IQCE: variants seen among roughly 807,000 people sequenced by gnomAD.
IQCE encodes the protein IQ domain-containing protein E.
IQCE carries 115 observed loss-of-function variants against 96.0 expected under a neutral mutation model. The ratio of observed to expected loss-of-function variants is 1.20; its 90% CI spans 1.03 to 1.40. The LOEUF is 1.40. Ranked by LOEUF, IQCE falls within the 40% of genes most tolerant of loss-of-function variation. IQCE has a pLI of 0.00. For synonymous variants in IQCE, 412 were observed against 371.2 expected, an observed-to-expected ratio of 1.11 and a Z score of -1.26; for missense variants, 1,041 against 909.1, an observed-to-expected ratio of 1.15 and a Z score of -1.87.
chr7:2,573,725 C>T (rs1367830005), intron 6 of IQCE, among the ~76,000 whole-genome samples: 1 of 152,156 alleles, frequency 6.6e-6, no homozygotes, highest in South Asian at 2.1e-4. Context: ...CTCTGCTTCT[C>T]CAGCACGATG....
intron 11 of IQCE, among the ~76,000 whole-genome samples, chr7:2,584,993 C>G (rs1319443006): frequency 6.6e-6 from 1 of 151,892 alleles, no homozygotes; most frequent in South Asian, 2.1e-4. Flanking sequence ...CGAGCGAATA[C>G]TAAACCACTG....
intron 21 of IQCE, among the ~76,000 whole-genome samples, chr7:2,608,524 T>C (rs1316221555): frequency 6.6e-6 from 1 of 152,236 alleles, no homozygotes; most frequent in Non-Finnish European, 1.5e-5. Context: ...TTTGTAAAGC[T>C]CAACACAAAG....
chr7:2,590,313 G>A (rs1266991804), intron 14 of IQCE, among the ~76,000 whole-genome samples: 3 of 152,178 alleles, frequency 2.0e-5, no homozygotes, highest in African/African-American at 7.2e-5. Context: ...CCTCACCAGG[G>A]AAGCAGCTCT....
At chr7:2,565,840 G>C (rs558575266) in intron 1 of IQCE, among the ~76,000 whole-genome samples, 4 of 152,058 alleles carry the variant, frequency 2.6e-5, no homozygotes, top group Non-Finnish European at 5.9e-5. Flanking sequence ...TTTTTTAAAC[G>C]CTCCATTTAT....
Position 2,578,304 on chromosome 7 carries a change from G to C in IQCE, c.528G>C (p.Glu176Asp), listed in dbSNP as rs199510266. The change falls in exon 7 of 22, where the codon GAG becomes GAC. Residue 176 changes from glutamate (E) to aspartate (D), a missense_variant. Transcript: ENST00000402050. ...LMRTKLRRLEEENSRKDRQIE... is the reference protein window; with the variant it reads ...LMRTKLRRLEDENSRKDRQIE... Reference sequence around the variant, plus strand: ...GAACGAAGCTCCGGCGCCTGGAGGAGGAAAACAGCAGGAAGGACCGGCAGA... The same window carrying C: ...GAACGAAGCTCCGGCGCCTGGAGGACGAAAACAGCAGGAAGGACCGGCAGA... 2.5e-4 allele frequency: 402 copies of C among 1,614,092 alleles called. 1 individual carries two copies. The Middle Eastern group carries it at 6.9e-3, about 28-fold the overall frequency.
chr7:2,574,308 C>T (rs1781965674), intron 6 of IQCE, among the ~76,000 whole-genome samples: 1 of 152,236 alleles, frequency 6.6e-6, no homozygotes, highest in African/African-American at 2.4e-5. Context: ...GTCCCCAGAG[C>T]ACGGAAGAGG....
At chr7:2,586,432 T>C in intron 12 of IQCE, 61 bp downstream of exon 12, 1 of 1,499,448 alleles carries the variant, frequency 6.7e-7, no homozygotes, top group Non-Finnish European at 9.1e-7. Context: ...TGGCAGGGCA[T>C]GGCCACTGGG....
At chr7:2,572,384 GTC>G in intron 5 of IQCE, 58 bp downstream of exon 5, 1 of 1,561,526 alleles carries the variant, frequency 6.4e-7, no homozygotes, top group South Asian at 1.2e-5. Context: ...GGAAAGGACA[GTC>G]TCTGGGCTGG....
At chr7:2,563,314 A>G (rs1011733488) in intron 1 of IQCE, among the ~76,000 whole-genome samples, 18 of 151,638 alleles carry the variant, frequency 1.2e-4, no homozygotes, top group African/African-American at 4.1e-4. Flanking sequence ...CTCCCACCTC[A>G]GTCTCCTGTG....
intron 1 of IQCE, among the ~76,000 whole-genome samples, chr7:2,565,446 G>A (rs998158758): frequency 1.3e-5 from 2 of 152,134 alleles, no homozygotes; most frequent in Admixed American, 1.3e-4. Context: ...AATGCATTTT[G>A]TTTACTACAC....
chr7:2,578,878 T>C (rs1221295303), intron 8 of IQCE, among the ~76,000 whole-genome samples: 1 of 152,088 alleles, frequency 6.6e-6, no homozygotes, highest in African/African-American at 2.4e-5. Flanking sequence ...CTTGCCAACG[T>C]TGTGAAACCC....
chr7:2,609,228 G>A (rs1785003973), intron 21 of IQCE, among the ~76,000 whole-genome samples: 1 of 152,110 alleles, frequency 6.6e-6, no homozygotes, highest in East Asian at 1.9e-4. Flanking sequence ...GAATGGCCGA[G>A]CAGCTTGCAA....
Position 2,571,451 on chromosome 7 carries a change from G to A in IQCE, c.131-75G>A, listed in dbSNP as rs1781746959. 4 of 1,578,540 alleles carry A rather than the reference G, an allele frequency of 2.5e-6. No individual in the cohort carries two copies. The South Asian group carries it at 4.5e-5, about 18-fold the overall frequency. On this transcript the variant is annotated intron_variant, in intron 3 of 21. Transcript: ENST00000402050. The stretch of plus-strand genomic sequence containing the variant: ...TCGTGGATTTTGTTTTCCTATTTCT[G>A]TCTTTCTGAAGTTCATGTGTTGAGC...
intron 17 of IQCE, among the ~76,000 whole-genome samples, chr7:2,600,638 G>T (rs1318780213): frequency 6.6e-6 from 1 of 152,210 alleles, no homozygotes; most frequent in Non-Finnish European, 1.5e-5. Flanking sequence ...CTCTTATTCA[G>T]TGTATATATT....
chr7:2,594,758 A>C (rs570676287), intron 15 of IQCE, 128 bp from the exon 16 acceptor site: 8 of 718,180 alleles, frequency 1.1e-5, no homozygotes, highest in Admixed American at 7.7e-5. Flanking sequence ...ACATGGCCCC[A>C]CCAGCTCTCT....
At position 2,598,582 on chromosome 7, in the gene IQCE, G is replaced by A; in HGVS notation, c.1558G>A (p.Asp520Asn). ...CTCCCCCTGCTCTGATGGGAGAAGA[G>A]ACGCCGCGGCCAGAGTCCTGCAGGC... ...PRSPCSDGRR[D>N]AAARVLQAQW... The change falls in exon 17 of 22, where the codon GAC becomes AAC. Residue 520 changes from aspartate to asparagine, a missense_variant. Transcript: ENST00000402050. 4.4e-6 allele frequency: 7 copies of A among 1,604,830 alleles called. No individual in the cohort carries two copies. Among genetic ancestry groups the A allele is most frequent in the Non-Finnish European group, 5.1e-6 (6 of 1,176,086 alleles).
At chr7:2,561,272 G>C (rs1780933334) in intron 1 of IQCE, among the ~76,000 whole-genome samples, 2 of 151,742 alleles carry the variant, frequency 1.3e-5, no homozygotes, top group South Asian at 4.2e-4. Context: ...GTAGATCTTT[G>C]ATTTCTTTCA....
In IQCE at chr7:2,586,078, T is replaced by C. The variant is rs1783083874; in HGVS notation, c.825-130T>C. The C allele has an allele frequency of 3.1e-5, 24 of 774,026 alleles. No individual in the cohort carries two copies. The South Asian group carries it at 4.4e-4, about 14-fold the overall frequency. The allele number at this position is 774,026 out of a possible 1,614,324, so 47.9% of individuals were successfully genotyped here. A position where few individuals can be genotyped will look rare whatever the true frequency, so the allele number is the denominator to read the frequency against. ...TTATTACTGCCTATTCGATTTCAAA[T>C]ACTCACCTGCAAAAACCACTCTGAG... On this transcript the variant is annotated intron_variant, in intron 11 of 21. Coordinates refer to ENST00000402050, the MANE Select transcript of IQCE (RefSeq NM_152558.5).
At chr7:2,607,550 A>G (rs1368331436) in intron 21 of IQCE, 33 of 1,264,998 alleles carry the variant, frequency 2.6e-5, no homozygotes, top group Non-Finnish European at 3.2e-5. Context: ...AAACCGTGTT[A>G]TTGTTTCCTT....
Sources: gnomAD v4.1 joint callset for allele counts (sites outside exome capture counted in the v4.1 genomes callset) on GRCh38, gnomAD v4.1.1 for gene constraint, MANE v1.5 for transcripts, NCBI Gene and HGNC (gene_info 2026-07-23, HGNC 2026-07-21) for gene names.